Variants in TCF4 observed in about 807,000 individuals in gnomAD.
TCF4 encodes SL3-3 enhancer factor 2.
In TCF4, 3 loss-of-function variants were observed where a neutral mutation model predicts 82.1. The observed-to-expected ratio is 0.04, with a 90% confidence interval of 0.02 to 0.09. The LOEUF is 0.09. Ranked by LOEUF, TCF4 falls within the 10% of genes least tolerant of loss-of-function variation. TCF4 has a pLI of 1.00. For missense variants in TCF4, 518 were observed against 852.7 expected, an observed-to-expected ratio of 0.61 and a Z score of 4.89; for synonymous variants, 276 against 309.6, an observed-to-expected ratio of 0.89 and a Z score of 1.14.
chr18:55,280,310 T>C (rs976318718), intron 8 of TCF4, among the ~76,000 whole-genome samples: 4 of 152,214 alleles, frequency 2.6e-5, no homozygotes, highest in Non-Finnish European at 5.9e-5. Context: ...TTTTTCATGC[T>C]TATTATATTT....
chr18:55,250,591 C>T (rs1445821613), intron 15 of TCF4, among the ~76,000 whole-genome samples: 1 of 152,168 alleles, frequency 6.6e-6, no homozygotes, highest in Non-Finnish European at 1.5e-5. Context: ...TTTACCGACA[C>T]CTGAAATGAC....
At chr18:55,251,311 A>G (rs1331480442) in intron 15 of TCF4, among the ~76,000 whole-genome samples, 3 of 141,904 alleles carry the variant, frequency 2.1e-5, no homozygotes, top group Non-Finnish European at 4.7e-5. Context: ...GTTATGAGCC[A>G]TGCCGCTGTG....
At chr18:55,453,517 T>C (rs2095668249) in intron 5 of TCF4, among the ~76,000 whole-genome samples, 1 of 152,216 alleles carries the variant, frequency 6.6e-6, no homozygotes, top group African/African-American at 2.4e-5. Context: ...CCCCTGGTAT[T>C]TAGAAGGTCT....
chr18:55,362,290 T>C (rs533445993), intron 6 of TCF4, among the ~76,000 whole-genome samples: 6 of 146,776 alleles, frequency 4.1e-5, no homozygotes, highest in Non-Finnish European at 8.9e-5. Context: ...CACTCCAGCC[T>C]GGGCAACAGA....
intron 11 of TCF4, among the ~76,000 whole-genome samples, chr18:55,264,312 T>A (rs2058657617): frequency 6.6e-6 from 1 of 152,212 alleles, no homozygotes; most frequent in Admixed American, 6.5e-5. Flanking sequence ...AAGAACAGAC[T>A]ATTTTTTAAC....
intron 8 of TCF4, chr18:55,302,294 G>T: frequency 4.7e-6 from 4 of 856,426 alleles, no homozygotes; most frequent in South Asian, 1.7e-5. Context: ...TGAATGCCAG[G>T]GAAGACAGAA....
chr18:55,426,549 A>C (rs1287283545), intron 5 of TCF4, among the ~76,000 whole-genome samples: 1 of 152,174 alleles, frequency 6.6e-6, no homozygotes, highest in African/African-American at 2.4e-5. Flanking sequence ...TTTGCTGCCC[A>C]TAGGCATCTG....
chr18:55,358,860 G>A (rs1469795179), intron 6 of TCF4, among the ~76,000 whole-genome samples: 1 of 152,120 alleles, frequency 6.6e-6, no homozygotes, highest in African/African-American at 2.4e-5. Flanking sequence ...TCCTTGCCTG[G>A]GAAATGTTGT....
Position 55,586,059 on chromosome 18 carries a change from A to C in TCF4, c.73-707T>G. The C allele has an allele frequency of 2.1e-6, 3 of 1,412,020 alleles. 1 individual carries two copies. The allele number at this position is 1,412,020 out of a possible 1,614,324, so 87.5% of individuals were successfully genotyped here. A position where few individuals can be genotyped will look rare whatever the true frequency, so the allele number is the denominator to read the frequency against. On this transcript the variant is annotated intron_variant, in intron 2 of 19. Coordinates refer to ENST00000354452, the MANE Select transcript of TCF4 (RefSeq NM_001083962.2). ...AAGGGGGCTGCAAAGCTGCCTGCCT[A>C]GGGCTACGTTTCCTGGCAAAACTTC...
rs911273945 is a variant in TCF4 at position 55,515,233 on chromosome 18, G to C, written c.146-51096C>G. Among the ~76,000 whole-genome samples the C allele has an allele frequency of 2.6e-5, 4 of 152,114 alleles. No individual in the cohort carries two copies. In the East Asian group the frequency reaches 7.7e-4, roughly 29 times the overall value. ...GAAAAAAGTCAGAGAATCCAAGGTAGGAAAACAACCCAGAGTATAAAACTC... is the reference window on the plus strand; with the variant it reads ...GAAAAAAGTCAGAGAATCCAAGGTACGAAAACAACCCAGAGTATAAAACTC... On this transcript the variant is annotated intron_variant, in intron 3 of 19. Transcript: ENST00000354452.
In TCF4 at chr18:55,389,051, G is replaced by A. The variant is rs184967853; in HGVS notation, c.369+14403C>T. 2.5e-3 allele frequency among the ~76,000 whole-genome samples: 377 copies of A among 149,086 alleles called. 1 individual carries two copies. Among genetic ancestry groups the A allele is most frequent in the Non-Finnish European group, 4.4e-3 (295 of 67,592 alleles). On this transcript the variant is annotated intron_variant, in intron 6 of 19. Transcript: ENST00000354452. Reference sequence around the variant, plus strand: ...TGAGGCAGAAGAATGGCATGAACCCGGGAGGCAGGGATTGCAGTGAGCCGA... The same window carrying A: ...TGAGGCAGAAGAATGGCATGAACCCAGGAGGCAGGGATTGCAGTGAGCCGA...
At chr18:55,263,953 C>G (rs2058578376) in intron 11 of TCF4, among the ~76,000 whole-genome samples, 1 of 151,896 alleles carries the variant, frequency 6.6e-6, no homozygotes, top group Non-Finnish European at 1.5e-5. Flanking sequence ...TAGTGGCTTT[C>G]AAAAGATTAA....
At chr18:55,414,642 C>T (rs1366713540) in intron 5 of TCF4, among the ~76,000 whole-genome samples, 1 of 152,124 alleles carries the variant, frequency 6.6e-6, no homozygotes, top group Non-Finnish European at 1.5e-5. Flanking sequence ...AGAGCCCTGG[C>T]CTTCACTACC....
At chr18:55,257,097 T>A (rs1158512485) in intron 14 of TCF4, among the ~76,000 whole-genome samples, 1 of 152,122 alleles carries the variant, frequency 6.6e-6, no homozygotes, top group Non-Finnish European at 1.5e-5. Context: ...TACTAGATAT[T>A]TAGAGCCCTG....
intron 3 of TCF4, among the ~76,000 whole-genome samples, chr18:55,573,776 T>A (rs1460331237): frequency 6.6e-6 from 1 of 152,208 alleles, no homozygotes; most frequent in East Asian, 1.9e-4. Flanking sequence ...GTACTTGACC[T>A]TCTTTGGCTG....
chr18:55,445,274 T>TAA (rs2095505773), intron 5 of TCF4, among the ~76,000 whole-genome samples: 2 of 152,128 alleles, frequency 1.3e-5, no homozygotes, highest in South Asian at 4.1e-4. Flanking sequence ...ACCTGTGTAT[T>TAA]AGAGCATTTT....
chr18:55,478,434 A>G (rs966868636), intron 3 of TCF4, among the ~76,000 whole-genome samples: 7 of 152,162 alleles, frequency 4.6e-5, no homozygotes, highest in Admixed American at 2.0e-4. Context: ...CAGTCACCTA[A>G]CCTTATGTCA....
intron 3 of TCF4, among the ~76,000 whole-genome samples, chr18:55,508,882 T>G (rs1245817809): frequency 1.3e-5 from 2 of 152,222 alleles, no homozygotes; most frequent in Non-Finnish European, 2.9e-5. Flanking sequence ...TTTTAGAAAT[T>G]ATGTGCTGAC....
chr18:55,551,404 C>G (rs1032870120), intron 3 of TCF4: 1 of 152,308 alleles, frequency 6.6e-6, no homozygotes, highest in Non-Finnish European at 1.5e-5. Context: ...AGTGGACACT[C>G]TTGCCATTTT....
Sources: gnomAD v4.1 joint callset for allele counts (sites outside exome capture counted in the v4.1 genomes callset) on GRCh38, gnomAD v4.1.1 for gene constraint, MANE v1.5 for transcripts, NCBI Gene and HGNC (gene_info 2026-07-23, HGNC 2026-07-21) for gene names.